The following BMPR1B variants were observed in gnomAD, a reference collection of about 807,000 sequenced individuals.
BMPR1B encodes bone morphogenetic protein receptor type 1B.
Under a neutral mutation model 59.1 loss-of-function variants are expected in BMPR1B, and 12 were observed. The ratio of observed to expected loss-of-function variants is 0.20; its 90% CI spans 0.13 to 0.33. The LOEUF is 0.33. BMPR1B is among the 10% of genes least tolerant of loss of function. The pLI is 1.00. For synonymous variants in BMPR1B, 237 were observed against 207.3 expected, an observed-to-expected ratio of 1.14 and a Z score of -1.23; for missense variants, 550 against 610.9, an observed-to-expected ratio of 0.90 and a Z score of 1.05.
At chr4:94,881,520 C>T (rs1180351819) in intron 2 of BMPR1B, among the ~76,000 whole-genome samples, 3 of 151,660 alleles carry the variant, frequency 2.0e-5, no homozygotes, top group Admixed American at 6.6e-5. Flanking sequence ...GGCTGGATTG[C>T]AGTGGTGTGA....
chr4:94,880,635 A>ATTTTTTTTTT (rs35455973), intron 2 of BMPR1B, among the ~76,000 whole-genome samples: 1 of 125,262 alleles, frequency 8.0e-6, no homozygotes, highest in Admixed American at 8.2e-5. Context: ...ATTAAAATGA[A>ATTTTTTTTTT]TTTTTTTTTT....
At chr4:95,024,372 C>G (rs1353440526) in intron 3 of BMPR1B, among the ~76,000 whole-genome samples, 1 of 152,240 alleles carries the variant, frequency 6.6e-6, no homozygotes, top group East Asian at 1.9e-4. Flanking sequence ...TTAGGATTTT[C>G]CCCGCTTTCT....
intron 3 of BMPR1B, among the ~76,000 whole-genome samples, chr4:95,028,522 CT>C (rs1228384846): frequency 6.6e-6 from 1 of 152,110 alleles, no homozygotes; most frequent in East Asian, 1.9e-4. Context: ...ATTGTGTTTA[CT>C]CTAAATGGCA....
intron 3 of BMPR1B, among the ~76,000 whole-genome samples, chr4:95,002,224 G>C (rs1296940103): frequency 2.6e-5 from 4 of 152,150 alleles, no homozygotes; most frequent in Non-Finnish European, 5.9e-5. Context: ...TAATAAGTGA[G>C]AATACACAGT....
intron 6 of BMPR1B, among the ~76,000 whole-genome samples, chr4:95,122,251 G>A (rs1235607091): frequency 2.6e-5 from 4 of 151,956 alleles, no homozygotes; most frequent in African/African-American, 9.7e-5. Flanking sequence ...GCACAGAATC[G>A]CTTGAACCCA....
intron 1 of BMPR1B, among the ~76,000 whole-genome samples, chr4:94,759,194 C>T (rs1721660335): frequency 6.6e-6 from 1 of 152,208 alleles, no homozygotes; most frequent in Non-Finnish European, 1.5e-5. Context: ...CTGCTCTTTT[C>T]TTAGCCACCT....
intron 2 of BMPR1B, among the ~76,000 whole-genome samples, chr4:94,951,670 T>C (rs1729944135): frequency 6.6e-6 from 1 of 152,234 alleles, no homozygotes; most frequent in Admixed American, 6.5e-5. Flanking sequence ...CAGTATCTTA[T>C]TGAGGATTTT....
chr4:95,030,494 A>G (rs1223294431), intron 3 of BMPR1B, among the ~76,000 whole-genome samples: 1 of 152,092 alleles, frequency 6.6e-6, no homozygotes, highest in African/African-American at 2.4e-5. Context: ...ACTCCTATTC[A>G]ACATAGTGTT....
At position 94,910,496 on chromosome 4, in the gene BMPR1B, A is replaced by G. The variant is rs74997188; in HGVS notation, c.-113+34596A>G. Among the ~76,000 whole-genome samples the G allele has an allele frequency of 6.4e-3, 979 of 152,234 alleles. 12 individuals carry two copies. The highest frequency in any genetic ancestry group is 0.023 in the African/African-American group (943 of 41,566). ...GCAAAAAGCAAGATTCAATCTAGCT[A>G]AGTAATTTATAAGATAAGCTAAGTA... On this transcript the variant is annotated intron_variant, in intron 2 of 12. Transcript: ENST00000515059.
rs138278727 is a variant in BMPR1B at position 95,124,893 on chromosome 4, A to G, written c.447-90A>G. 1.8e-4 allele frequency: 227 copies of G among 1,263,426 alleles called. 1 individual carries two copies. In the African/African-American group the frequency reaches 3.0e-3, roughly 16 times the overall value. The allele number at this position is 1,263,426 out of a possible 1,614,324, so 78.3% of individuals were successfully genotyped here. On this transcript the variant is annotated intron_variant, in intron 7 of 12. Transcript: ENST00000515059. ...ATGTATTATATTTAGGTGCTAAAATAAAACTGCTGTGATTACCATTTTAGT... is the reference window on the plus strand; with the variant it reads ...ATGTATTATATTTAGGTGCTAAAATGAAACTGCTGTGATTACCATTTTAGT...
intron 2 of BMPR1B, among the ~76,000 whole-genome samples, chr4:94,907,316 C>T (rs569299690): frequency 6.6e-6 from 1 of 152,096 alleles, no homozygotes; most frequent in East Asian, 1.9e-4. Flanking sequence ...TTGTTTTTGA[C>T]CCAGAATGGC....
intron 6 of BMPR1B, among the ~76,000 whole-genome samples, chr4:95,121,541 C>A (rs536204628): frequency 6.6e-6 from 1 of 151,998 alleles, no homozygotes; most frequent in Non-Finnish European, 1.5e-5. Flanking sequence ...AATACAGACA[C>A]ACAAATAAGT....
At chr4:94,799,482 T>C (rs893311505) in intron 1 of BMPR1B, among the ~76,000 whole-genome samples, 10 of 151,642 alleles carry the variant, frequency 6.6e-5, no homozygotes, top group African/African-American at 1.2e-4. Flanking sequence ...TTTTTGTATT[T>C]TAGTAGAGAC....
intron 3 of BMPR1B, among the ~76,000 whole-genome samples, chr4:95,049,340 C>T (rs1211156991): frequency 6.7e-6 from 1 of 150,318 alleles, no homozygotes; most frequent in Non-Finnish European, 1.5e-5. Context: ...GATTGAACTC[C>T]TGGCCTTAGG....
intron 1 of BMPR1B, among the ~76,000 whole-genome samples, chr4:94,840,014 C>G (rs971266084): frequency 1.1e-4 from 16 of 151,940 alleles, no homozygotes; most frequent in African/African-American, 3.6e-4. Flanking sequence ...TTCTCCTTCA[C>G]TTATGAAGCT....
At chr4:95,031,447 T>A (rs1044361470) in intron 3 of BMPR1B, among the ~76,000 whole-genome samples, 1 of 152,100 alleles carries the variant, frequency 6.6e-6, no homozygotes, top group African/African-American at 2.4e-5. Context: ...TATGGATGGA[T>A]TGCAGATATA....
chr4:94,774,115 A>T (rs912620812), intron 1 of BMPR1B, among the ~76,000 whole-genome samples: 1 of 152,072 alleles, frequency 6.6e-6, no homozygotes, highest in African/African-American at 2.4e-5. Flanking sequence ...TATTTTCTAG[A>T]TAACCCATAC....
intron 2 of BMPR1B, among the ~76,000 whole-genome samples, chr4:94,966,025 T>C (rs1730545082): frequency 6.6e-6 from 1 of 152,192 alleles, no homozygotes; most frequent in Non-Finnish European, 1.5e-5. Flanking sequence ...AAAAAAGATT[T>C]TGAATCTTGC....
At chr4:94,805,867 T>C (rs1349144242) in intron 1 of BMPR1B, among the ~76,000 whole-genome samples, 1 of 152,108 alleles carries the variant, frequency 6.6e-6, no homozygotes, top group Non-Finnish European at 1.5e-5. Flanking sequence ...TGAAAAGTTA[T>C]ATATAGAATG....
Sources: gnomAD v4.1 joint callset for allele counts (sites outside exome capture counted in the v4.1 genomes callset) on GRCh38, gnomAD v4.1.1 for gene constraint, MANE v1.5 for transcripts, NCBI Gene and HGNC (gene_info 2026-07-23, HGNC 2026-07-21) for gene names.